SLC25A42: variants seen among roughly 807,000 people sequenced by gnomAD.
SLC25A42 encodes solute carrier family 25 member 42.
A neutral mutation model predicts 34.7 loss-of-function variants in SLC25A42; 19 were observed. The observed-to-expected ratio is 0.55, with a 90% CI of 0.38 to 0.80. The LOEUF (loss-of-function observed/expected upper bound fraction) is 0.80. Among genes scored for constraint, SLC25A42 ranks in the 30% least tolerant of loss-of-function variants. The probability of loss-of-function intolerance (pLI) is 0.00; values close to 1 mark genes in which losing one functional copy is unlikely to be tolerated. For missense variants in SLC25A42, 364 were observed against 441.3 expected (o/e 0.82, Z 1.57); for synonymous variants, 205 against 191.2 (o/e 1.07, Z -0.59).
intron 1 of SLC25A42, among the ~76,000 whole-genome samples, chr19:19,085,502 C>T (rs1193876827): frequency 6.6e-6 from 1 of 152,128 alleles, no homozygotes; most frequent in Non-Finnish European, 1.5e-5. Context: ...CTGCCTCAGC[C>T]TCCCGAGTAG....
chr19:19,069,590 C>T (rs1244764238), intron 1 of SLC25A42, among the ~76,000 whole-genome samples: 1 of 152,190 alleles, frequency 6.6e-6, no homozygotes, highest in Non-Finnish European at 1.5e-5. Context: ...GTGGCTACAT[C>T]ACTCCAGTCT....
intron 1 of SLC25A42, among the ~76,000 whole-genome samples, chr19:19,094,396 C>T (rs1262985189): frequency 3.3e-5 from 5 of 152,186 alleles, no homozygotes; most frequent in Non-Finnish European, 5.9e-5. Flanking sequence ...TCTACTCAAA[C>T]TGTTCCAGCT....
At chr19:19,092,129 T>C (rs1359684339) in intron 1 of SLC25A42, among the ~76,000 whole-genome samples, 1 of 152,228 alleles carries the variant, frequency 6.6e-6, no homozygotes, top group Non-Finnish European at 1.5e-5. Context: ...CCCTCCCCAC[T>C]GTGTCTGTGT....
At position 19,096,098 on chromosome 19, in the gene SLC25A42, T is replaced by C. The variant is rs1438993557; in HGVS notation, c.-27T>C. On this transcript the variant is annotated 5_prime_UTR_variant, in exon 2 of 8. Transcript: ENST00000318596. The stretch of plus-strand genomic sequence containing the variant: ...CTCCCCTTACCCCCCCAGGACCGAG[T>C]CTCCTGCCATTCCGAGCAGGCCTGG... 6.2e-7 allele frequency: 1 copy of C among 1,605,812 alleles called. No individual in the cohort carries two copies. Among genetic ancestry groups the C allele is most frequent in the Non-Finnish European group, 8.5e-7 (1 of 1,172,970 alleles).
At chr19:19,108,155 C>T in intron 7 of SLC25A42, 110 bp downstream of exon 7, 2 of 1,291,762 alleles carry the variant, frequency 1.5e-6, no homozygotes, top group African/African-American at 1.5e-5. Context: ...GGGGTACGAC[C>T]CCTGGGTGGG....
At position 19,112,662 on chromosome 19, in the gene SLC25A42, T is replaced by C. The variant is rs1568528760; in HGVS notation, c.*1786T>C. 1 of 152,768 alleles carries C rather than the reference T, an allele frequency of 6.5e-6. No individual in the cohort carries two copies. The highest frequency in any genetic ancestry group is 1.5e-5 in the Non-Finnish European group (1 of 68,170). 9.5% of individuals were successfully genotyped at this position (152,768 alleles called of 1,614,324 possible). On this transcript the variant is annotated 3_prime_UTR_variant, in exon 8 of 8. Coordinates refer to ENST00000318596, the MANE Select transcript of SLC25A42 (RefSeq NM_178526.5). This position sits in a 1 kb window ranked among gnomAD's most constrained non-coding sequence, Gnocchi z 4.3. ...TGACCCCAGTGTGTCTCCCCGGAGA[T>C]GGCTCCTAGCTGAGTGGGACCCGGC...
At chr19:19,088,883 C>T (rs1336462037) in intron 1 of SLC25A42, among the ~76,000 whole-genome samples, 1 of 151,520 alleles carries the variant, frequency 6.6e-6, no homozygotes, top group Admixed American at 6.6e-5. Flanking sequence ...TCTTGGCTCA[C>T]TGTAACCTCT....
intron 1 of SLC25A42, among the ~76,000 whole-genome samples, chr19:19,089,731 T>G (rs2059727934): frequency 6.6e-6 from 1 of 151,874 alleles, no homozygotes; most frequent in Non-Finnish European, 1.5e-5. Context: ...TAGCTGCGCA[T>G]GGCAGCACAC....
intron 1 of SLC25A42, among the ~76,000 whole-genome samples, chr19:19,068,678 TA>T (rs1259848393): frequency 1.6e-5 from 2 of 126,734 alleles, no homozygotes; most frequent in Non-Finnish European, 3.4e-5. Context: ...AAGAAAAAAA[TA>T]AAAACAAAAA....
chr19:19,111,323 CT>C lies in SLC25A42; in HGVS notation c.*450del. On this transcript the variant is annotated 3_prime_UTR_variant, in exon 8 of 8. Transcript: ENST00000318596. ...CCCGGCCTCCAGGGTGCGGGGGCGC[CT>C]TTCTTGCAGGCGGACCCTGCCCAGG... The C allele has an allele frequency of 5.8e-6, 1 of 172,862 alleles. No homozygotes were observed. The highest frequency in any genetic ancestry group is 1.2e-5 in the Non-Finnish European group (1 of 80,532). 10.7% of individuals were successfully genotyped at this position (172,862 alleles called of 1,614,324 possible).
intron 1 of SLC25A42, among the ~76,000 whole-genome samples, chr19:19,072,780 G>C (rs1343997560): frequency 6.6e-6 from 1 of 152,128 alleles, no homozygotes; most frequent in Non-Finnish European, 1.5e-5. Context: ...CTGGGTTCAA[G>C]TGATCTTCCC....
intron 1 of SLC25A42, among the ~76,000 whole-genome samples, chr19:19,073,800 C>T (rs2059642678): frequency 6.6e-6 from 1 of 152,128 alleles, no homozygotes; most frequent in Admixed American, 6.5e-5. Flanking sequence ...TCTTGAACTC[C>T]CGACCTTAAA....
At chr19:19,083,402 T>C (rs2059690822) in intron 1 of SLC25A42, among the ~76,000 whole-genome samples, 1 of 152,242 alleles carries the variant, frequency 6.6e-6, no homozygotes. Context: ...GGGTTTAGGA[T>C]GCAGACATCT....
At chr19:19,080,489 G>C (rs1411987155) in intron 1 of SLC25A42, among the ~76,000 whole-genome samples, 1 of 152,074 alleles carries the variant, frequency 6.6e-6, no homozygotes, top group Non-Finnish European at 1.5e-5. Context: ...TGATGAAATA[G>C]GTCCCTCCCA....
At chr19:19,071,860 C>T (rs1237552125) in intron 1 of SLC25A42, among the ~76,000 whole-genome samples, 2 of 150,578 alleles carry the variant, frequency 1.3e-5, no homozygotes, top group East Asian at 1.9e-4. Context: ...AGCGAGAATC[C>T]GTCTCAAAAA....
At chr19:19,107,729 A>G (rs2059839398) in intron 6 of SLC25A42, among the ~76,000 whole-genome samples, 165 bp from the exon 7 acceptor site, 1 of 152,196 alleles carries the variant, frequency 6.6e-6, no homozygotes, top group Admixed American at 6.5e-5. Context: ...CCCTCTAATA[A>G]CAAAGCTTGA....
In SLC25A42 at chr19:19,105,601, G is replaced by A; in HGVS notation, c.254G>A (p.Gly85Glu). Residue 85 changes from glycine (G) to glutamate (E), a missense_variant, in exon 5 of 8, where the codon GGA becomes GAA. By Grantham distance (98) the Gly-to-Glu change is moderately conservative. Coordinates refer to ENST00000318596, the MANE Select transcript of SLC25A42 (RefSeq NM_178526.5). ...CTCTACTACACCTACCTCAACGAGG[G>A]ATTTCTCAGCTTGTGGCGCGGGAAC... ...RVLYYTYLNE[G>E]FLSLWRGNSA... is the part of the protein sequence containing the mutation. 6.2e-7 allele frequency: 1 copy of A among 1,614,038 alleles called. No homozygotes were observed. The highest frequency in any genetic ancestry group is 8.5e-7 in the Non-Finnish European group (1 of 1,179,964).
intron 7 of SLC25A42, 70 bp from the exon 8 acceptor site, chr19:19,110,497 GGC>G: frequency 7.6e-7 from 1 of 1,316,312 alleles, no homozygotes; most frequent in Non-Finnish European, 9.8e-7. Context: ...GGGGTGCAAA[GGC>G]GCGCGCACGG....
In SLC25A42 at chr19:19,087,132, G is replaced by C. The variant is rs1252340003; in HGVS notation, c.-34-8959G>C. Among the ~76,000 whole-genome samples, 5 of 151,906 alleles carry C rather than the reference G, an allele frequency of 3.3e-5. No individual in the cohort carries two copies. In the East Asian group the frequency reaches 9.7e-4, roughly 29 times the overall value. ...AATCTTCCCATTTCCCCCTGCTCCT[G>C]GTAACTGCCATTTTACTCTATTTCT... On this transcript the variant is annotated intron_variant, in intron 1 of 7. Coordinates refer to ENST00000318596, the MANE Select transcript of SLC25A42 (RefSeq NM_178526.5).
Sources: allele counts gnomAD v4.1 joint callset (sites outside exome capture counted in the v4.1 genomes callset), GRCh38; gene constraint gnomAD v4.1.1; non-coding constraint Gnocchi (gnomAD v3.1); transcripts MANE v1.5; gene names NCBI Gene and HGNC (gene_info 2026-07-23, HGNC 2026-07-21).